GNAI1: variants seen among roughly 807,000 people sequenced by gnomAD.
GNAI1 encodes the protein G protein subunit alpha i1.
A neutral mutation model predicts 38.9 loss-of-function variants in GNAI1; 11 were observed. The ratio of observed to expected loss-of-function variants is 0.28; its 90% CI spans 0.18 to 0.47. The LOEUF (loss-of-function observed/expected upper bound fraction) is 0.47, where lower values mean the gene tolerates loss of function less well. GNAI1 is among the 20% of genes least tolerant of loss of function. GNAI1 has a pLI of 0.99. For synonymous variants in GNAI1, 166 were observed against 145.1 expected, an observed-to-expected ratio of 1.14 and a Z score of -1.04; for missense variants, 317 against 436.9, an observed-to-expected ratio of 0.73 and a Z score of 2.45.
chr7:80,179,014 A>G (rs1788245420), intron 1 of GNAI1, among the ~76,000 whole-genome samples: 1 of 152,242 alleles, frequency 6.6e-6, no homozygotes, highest in South Asian at 2.1e-4. Context: ...AATGTATTAC[A>G]GTATATTAAA....
intron 3 of GNAI1, among the ~76,000 whole-genome samples, chr7:80,190,017 A>G (rs556773526): frequency 1.3e-5 from 2 of 151,674 alleles, no homozygotes; most frequent in Admixed American, 1.3e-4. Context: ...TATTATTTTT[A>G]CTAGTATTTA....
At position 80,217,289 on chromosome 7, in the gene GNAI1, T is replaced by G. The variant is rs762109029; in HGVS notation, c.875-14T>G. On this transcript the variant is annotated splice_polypyrimidine_tract_variant and intron_variant, in intron 7 of 7. Transcript: ENST00000649796. ...ACTTTTTGCATTTATGTTTCTTTCC[T>G]TTTTCCATCTCAGGATCAAACACAT... The G allele has an allele frequency of 4.8e-6, 7 of 1,469,856 alleles. No homozygotes were observed. The South Asian group carries it at 8.2e-5, about 17-fold the overall frequency. The allele number at this position is 1,469,856 out of a possible 1,614,324, so 91.1% of individuals were successfully genotyped here.
intron 7 of GNAI1, among the ~76,000 whole-genome samples, chr7:80,214,158 T>C (rs185906730): frequency 1.3e-5 from 2 of 152,310 alleles, no homozygotes; most frequent in Non-Finnish European, 2.9e-5. Flanking sequence ...ATGTTACTTA[T>C]AGCTCTTTTT....
chr7:80,193,947 A>C (rs1788524815), intron 3 of GNAI1, among the ~76,000 whole-genome samples: 1 of 152,126 alleles, frequency 6.6e-6, no homozygotes, highest in Non-Finnish European at 1.5e-5. Flanking sequence ...AATTGACTTA[A>C]ATAAGTTTTC....
At chr7:80,165,961 C>T (rs1788004719) in intron 1 of GNAI1, among the ~76,000 whole-genome samples, 1 of 152,052 alleles carries the variant, frequency 6.6e-6, no homozygotes, top group Non-Finnish European at 1.5e-5. Context: ...CCTTGGACTC[C>T]TAGATCTCAG....
intron 1 of GNAI1, among the ~76,000 whole-genome samples, chr7:80,147,538 A>T (rs890949233): frequency 6.6e-6 from 1 of 152,112 alleles, no homozygotes; most frequent in Non-Finnish European, 1.5e-5. Context: ...TAAGCCACCC[A>T]GTATAGTTTT....
intron 1 of GNAI1, among the ~76,000 whole-genome samples, chr7:80,138,531 AATTATTTTTTATTGTT>A (rs1421092728): frequency 6.6e-6 from 1 of 151,920 alleles, no homozygotes; most frequent in East Asian, 1.9e-4. Context: ...TTGTTGAGGA[AATTATTTTTTATTGTT>A]ATATCTTTGA....
intron 1 of GNAI1, among the ~76,000 whole-genome samples, chr7:80,143,294 C>T (rs891433745): frequency 6.6e-6 from 1 of 151,956 alleles, no homozygotes; most frequent in African/African-American, 2.4e-5. Context: ...AAAATAGATA[C>T]TAGGTAGGGG....
chr7:80,146,271 C>G (rs537857585), intron 1 of GNAI1, among the ~76,000 whole-genome samples: 2 of 152,240 alleles, frequency 1.3e-5, no homozygotes, highest in East Asian at 1.9e-4. Context: ...CCTGTAGCTC[C>G]CAAGCTTGCA....
rs532250183 is a variant in GNAI1, at chr7:80,221,954, G to A, written c.*4461G>A. 6.6e-6 allele frequency among the ~76,000 whole-genome samples: 1 copy of A among 152,004 alleles called. No homozygotes were observed. Among genetic ancestry groups the A allele is most frequent in the South Asian group, 2.1e-4 (1 of 4,816 alleles). On this transcript the variant is annotated 3_prime_UTR_variant, in exon 8 of 8. Coordinates refer to ENST00000649796, the MANE Select transcript of GNAI1 (RefSeq NM_002069.6). ...TGCGCCCAGCCAGTTTTCTTTTTTA[G>A]TTCTTTTCAAAACCCTTTCTTAACA...
chr7:80,137,811 G>T (rs1787452704), intron 1 of GNAI1, among the ~76,000 whole-genome samples: 1 of 152,084 alleles, frequency 6.6e-6, no homozygotes, highest in South Asian at 2.1e-4. Flanking sequence ...TCTTATCCCC[G>T]TTCTAGTCTA....
At chr7:80,145,775 C>A (rs917077130) in intron 1 of GNAI1, among the ~76,000 whole-genome samples, 1 of 152,028 alleles carries the variant, frequency 6.6e-6, no homozygotes, top group Non-Finnish European at 1.5e-5. Flanking sequence ...TATAATTTTT[C>A]ATTTGTGAGC....
At chr7:80,213,410 A>G (rs1479785092) in intron 7 of GNAI1, among the ~76,000 whole-genome samples, 2 of 152,192 alleles carry the variant, frequency 1.3e-5, no homozygotes, top group Admixed American at 1.3e-4. Context: ...TATGATGGAA[A>G]ATTCCCTGGA....
chr7:80,154,579 A>G (rs1584012533), intron 1 of GNAI1, among the ~76,000 whole-genome samples: 1 of 152,194 alleles, frequency 6.6e-6, no homozygotes, highest in Non-Finnish European at 1.5e-5. Flanking sequence ...TTCTTCTTAC[A>G]TAAACAAGCC....
At position 80,135,017 on chromosome 7, in the gene GNAI1, A is replaced by G. The variant is rs1269825082; in HGVS notation, c.-144A>G. On this transcript the variant is annotated 5_prime_UTR_variant, in exon 1 of 8. Coordinates refer to ENST00000649796, the MANE Select transcript of GNAI1 (RefSeq NM_002069.6). Reference sequence around the variant, plus strand: ...CCCTTTGCGGACAGCGTCTCCCTCGACTCCGCTTAGGAAGTGGTGGGGGCG... The same window carrying G: ...CCCTTTGCGGACAGCGTCTCCCTCGGCTCCGCTTAGGAAGTGGTGGGGGCG... 1 of 447,362 alleles carries G rather than the reference A, an allele frequency of 2.2e-6. No individual in the cohort carries two copies. The highest frequency in any genetic ancestry group is 3.9e-6 in the Non-Finnish European group (1 of 256,758). 27.7% of individuals were successfully genotyped at this position (447,362 alleles called of 1,614,324 possible). A position where few individuals can be genotyped will look rare whatever the true frequency, so the allele number is the denominator to read the frequency against.
At chr7:80,151,470 G>A (rs1384234357) in intron 1 of GNAI1, among the ~76,000 whole-genome samples, 1 of 151,608 alleles carries the variant, frequency 6.6e-6, no homozygotes, top group African/African-American at 2.4e-5. Context: ...GTTCTCTCCT[G>A]GTTGTGATGT....
intron 1 of GNAI1, chr7:80,135,840 C>T (rs879894901): frequency 1.5e-4 from 149 of 984,708 alleles, no homozygotes; most frequent in Non-Finnish European, 1.7e-4. Flanking sequence ...CTTAAGTGGT[C>T]AAGGAGCGCT....
intron 1 of GNAI1, among the ~76,000 whole-genome samples, chr7:80,140,212 C>T (rs1007181480): frequency 1.3e-5 from 2 of 151,858 alleles, no homozygotes; most frequent in Admixed American, 6.6e-5. Flanking sequence ...TGTCGATCTC[C>T]TGACCTCGTG....
At position 80,223,713 on chromosome 7, in the gene GNAI1, A is replaced by G. The variant is rs571645868; in HGVS notation, c.*6220A>G. ...ATAACATGTTTTCCTGTTTACAAAT[A>G]TAAGTAATTACCTTTCCGTTTTAAG... On this transcript the variant is annotated 3_prime_UTR_variant, in exon 8 of 8. Coordinates refer to ENST00000649796, the MANE Select transcript of GNAI1 (RefSeq NM_002069.6). Among the ~76,000 whole-genome samples the G allele has an allele frequency of 1.3e-5, 2 of 152,234 alleles. No individual in the cohort carries two copies. Among genetic ancestry groups the G allele is most frequent in the African/African-American group, 2.4e-5 (1 of 41,464 alleles).
Sources: gnomAD v4.1 joint callset for allele counts (sites outside exome capture counted in the v4.1 genomes callset) on GRCh38, gnomAD v4.1.1 for gene constraint, MANE v1.5 for transcripts, NCBI Gene and HGNC (gene_info 2026-07-23, HGNC 2026-07-21) for gene names.